The following PLCH2 variants were observed in gnomAD, a reference collection of about 807,000 sequenced individuals.
The protein encoded by PLCH2 is phospholipase C eta 2.
In PLCH2, 98 loss-of-function variants were observed where a neutral mutation model predicts 134.7. The ratio of observed to expected loss-of-function variants is 0.73; its 90% CI spans 0.62 to 0.86. The LOEUF is 0.86. PLCH2 is among the 40% of genes least tolerant of loss of function. The pLI is 0.00. For synonymous variants in PLCH2, 974 were observed against 827.5 expected, an observed-to-expected ratio of 1.18 and a Z score of -3.04; for missense variants, 1,994 against 1,986.6, an observed-to-expected ratio of 1.00 and a Z score of -0.07.
In PLCH2 at chr1:2,479,789, G is replaced by A. The variant is rs1401225006; in HGVS notation, c.327G>A (p.Gln109=). 1 of 1,572,612 alleles carries A rather than the reference G, an allele frequency of 6.4e-7. No homozygotes were observed. The highest frequency in any genetic ancestry group is 8.6e-7 in the Non-Finnish European group (1 of 1,159,932). Residue 109 remains glutamine (Q), a synonymous_variant, in exon 3 of 22, where the codon CAG becomes CAA. Transcript: ENST00000378486. ...AGGGGCGGCAGTCGGAGGTCTTCCA[G>A]CGCTACCCTGACGGCAGCTTCGACC... ...VSEGRQSEVF[Q]RYPDGSFDPN...
intron 2 of PLCH2, among the ~76,000 whole-genome samples, chr1:2,435,507 C>T (rs1041654699): frequency 6.6e-5 from 10 of 151,876 alleles, no homozygotes; most frequent in East Asian, 1.9e-4. Flanking sequence ...GTTAGTGAGG[C>T]GGGGATAGCA....
chr1:2,433,481 C>T (rs1426237431), intron 2 of PLCH2, among the ~76,000 whole-genome samples: 1 of 151,060 alleles, frequency 6.6e-6, no homozygotes, highest in Non-Finnish European at 1.5e-5. Context: ...AGTATGTGTC[C>T]CCGCCATTCT....
chr1:2,448,286 T>G lies in PLCH2; in HGVS notation c.115+17657T>G, dbSNP rs966594666. 3.0e-4 allele frequency among the ~76,000 whole-genome samples: 45 copies of G among 151,966 alleles called. No individual in the cohort carries two copies. The highest frequency in any genetic ancestry group is 1.0e-3 in the African/African-American group (42 of 41,402). ...CTCGCAGTCCTGGAGGCTGGAAGTCTGAGGTCAGGGTGTGGGTGGGGCCGC... is the reference window on the plus strand; with the variant it reads ...CTCGCAGTCCTGGAGGCTGGAAGTCGGAGGTCAGGGTGTGGGTGGGGCCGC... On this transcript the variant is annotated intron_variant, in intron 2 of 3. Coordinates refer to the PLCH2 transcript ENST00000609981. This position sits in a 1 kb window ranked among gnomAD's most constrained non-coding sequence, Gnocchi z 4.0.
chr1:2,471,167 G>A (rs1019976004), intron 1 of PLCH2, among the ~76,000 whole-genome samples: 7 of 152,224 alleles, frequency 4.6e-5, no homozygotes, highest in African/African-American at 1.7e-4. Flanking sequence ...ACCAGCTGGG[G>A]ATGGCTGGGG....
Position 2,487,237 on chromosome 1 carries a change from C to T in PLCH2, c.975C>T (p.His325=), listed in dbSNP as rs764350347. The T allele has an allele frequency of 1.9e-6, 3 of 1,608,228 alleles. No homozygotes were observed. The South Asian group carries it at 3.3e-5, about 18-fold the overall frequency. Residue 325 remains histidine, a synonymous_variant, in exon 7 of 22, where the codon CAC becomes CAT. Coordinates refer to ENST00000378486, the MANE Select transcript of PLCH2 (RefSeq NM_014638.4). ...TCAACCCTGAGCACCACCATGTGCA[C>T]CAGGACATGACGCAGCCGCTGAGCC... The part of the protein sequence containing the change: ...DIFNPEHHHV[H]QDMTQPLSHY...
chr1:2,440,187 G>C (rs996468847), intron 2 of PLCH2, among the ~76,000 whole-genome samples: 52 of 152,176 alleles, frequency 3.4e-4, no homozygotes, highest in African/African-American at 1.2e-3. Context: ...TTGGAGTGAG[G>C]CCTGCAGGCC....
At chr1:2,436,688 A>C (rs1401190461) in intron 2 of PLCH2, among the ~76,000 whole-genome samples, 4 of 152,096 alleles carry the variant, frequency 2.6e-5, no homozygotes, top group Non-Finnish European at 4.4e-5. Context: ...GTGGGTGGCT[A>C]TGCAGGCTGT....
At position 2,484,536 on chromosome 1, in the gene PLCH2, A is replaced by T. The variant is rs367792946; in HGVS notation, c.734A>T (p.Tyr245Phe). 9.3e-6 allele frequency: 15 copies of T among 1,613,244 alleles called. No homozygotes were observed. The African/African-American group carries it at 1.9e-4, about 20-fold the overall frequency. ...YKMMSTRRDL[Y>F]LLMLTYSNHK... ...ATGATGTCCACCCGCCGGGACCTCT[A>T]CCTGCTCATGCTGACCTACAGCAAC... Residue 245 changes from tyrosine to phenylalanine, a missense_variant, in exon 5 of 22, where the codon TAC (tyrosine) becomes TTC (phenylalanine). Transcript: ENST00000378486.
At position 2,444,406 on chromosome 1, in the gene PLCH2, C is replaced by T. The variant is rs1398251969; in HGVS notation, c.115+13777C>T. Among the ~76,000 whole-genome samples, 2 of 152,172 alleles carry T rather than the reference C, an allele frequency of 1.3e-5. No individual in the cohort carries two copies. Among genetic ancestry groups the T allele is most frequent in the Non-Finnish European group, 2.9e-5 (2 of 68,010 alleles). ...CACATCTGCCTGGGCTGCAGGTGCTCATCTGGGGGGAGCCGGCCTCTCCCC... is the reference window on the plus strand; with the variant it reads ...CACATCTGCCTGGGCTGCAGGTGCTTATCTGGGGGGAGCCGGCCTCTCCCC... On this transcript the variant is annotated intron_variant, in intron 2 of 3. Coordinates refer to the PLCH2 transcript ENST00000609981. This position sits in a 1 kb window ranked among gnomAD's most constrained non-coding sequence, Gnocchi z 4.6.
intron 2 of PLCH2, among the ~76,000 whole-genome samples, chr1:2,452,057 G>A (rs971946254): frequency 1.3e-5 from 2 of 152,224 alleles, no homozygotes; most frequent in South Asian, 2.1e-4. Flanking sequence ...AGCTTTGGCA[G>A]TGCACGGGAA....
At chr1:2,462,264 ACCCCTCTGCCTGGTAC>A in intron 2 of PLCH2, among the ~76,000 whole-genome samples, 1 of 70,418 alleles carries the variant, frequency 1.4e-5, no homozygotes, top group African/African-American at 5.8e-5. Context: ...TCTGCCTGAC[ACCCCTCTGCCTGGTAC>A]CCCCTCCACC....
At chr1:2,451,363 C>A (rs1640215981) in intron 2 of PLCH2, among the ~76,000 whole-genome samples, 2 of 152,234 alleles carry the variant, frequency 1.3e-5, no homozygotes, top group Non-Finnish European at 2.9e-5. Context: ...CTAGCAGTGA[C>A]AGGCAGAGAT....
chr1:2,499,305 G>A, intron 19 of PLCH2, 75 bp downstream of exon 19: 1 of 1,535,412 alleles, frequency 6.5e-7, no homozygotes, highest in Non-Finnish European at 8.9e-7. Context: ...TTTCCCCTGT[G>A]AGTCAGTGCC....
upstream of PLCH2, among the ~76,000 whole-genome samples, chr1:2,476,030 C>T (rs969755870): frequency 1.1e-4 from 16 of 152,220 alleles, no homozygotes; most frequent in Admixed American, 3.3e-4. Flanking sequence ...GAGGCCCACC[C>T]CACACAGGGT....
At chr1:2,450,109 A>T (rs974435223) in intron 2 of PLCH2, among the ~76,000 whole-genome samples, 11 of 152,178 alleles carry the variant, frequency 7.2e-5, no homozygotes, top group Non-Finnish European at 1.2e-4. Context: ...CCGTCCCCTG[A>T]GGCTTGTCCA....
At chr1:2,483,836 G>GGGCGC (rs1558004923) in intron 4 of PLCH2, among the ~76,000 whole-genome samples, 933 of 26,046 alleles carry the variant, frequency 0.036, 345 homozygotes, top group Admixed American at 0.049. Context: ...CCGTGTGGGG[G>GGGCGC]TGGCGCTGAC....
chr1:2,450,807 C>G (rs536279915), intron 2 of PLCH2, among the ~76,000 whole-genome samples: 1 of 145,430 alleles, frequency 6.9e-6, no homozygotes, highest in South Asian at 2.3e-4. Flanking sequence ...AGGCCAAGCA[C>G]GTGGGACCCC....
chr1:2,457,582 G>A (rs529987989), intron 2 of PLCH2, among the ~76,000 whole-genome samples: 1 of 152,252 alleles, frequency 6.6e-6, no homozygotes, highest in Admixed American at 6.5e-5. Context: ...CTGGGGGAGC[G>A]GCTGAGCTGC....
At chr1:2,489,610 G>C (rs1570445561) in intron 9 of PLCH2, 150 bp from the exon 10 acceptor site, 2 of 730,144 alleles carry the variant, frequency 2.7e-6, no homozygotes, top group East Asian at 5.3e-5. Context: ...CAGGGAGCTG[G>C]CCAGTCTGGC....
Sources: gnomAD v4.1 joint callset for allele counts (sites outside exome capture counted in the v4.1 genomes callset) on GRCh38, gnomAD v4.1.1 for gene constraint, Gnocchi (gnomAD v3.1) non-coding constraint, MANE v1.5 for transcripts, NCBI Gene and HGNC (gene_info 2026-07-23, HGNC 2026-07-21) for gene names.